MPDU1: variants seen among roughly 807,000 people sequenced by gnomAD.
MPDU1 encodes mannose-P-dolichol utilization defect 1 protein.
A neutral mutation model predicts 27.6 loss-of-function variants in MPDU1; 18 were observed. The ratio of observed to expected loss-of-function variants is 0.65; its 90% CI spans 0.45 to 0.97. The LOEUF is 0.97. MPDU1 is among the 50% of genes least tolerant of loss of function. The probability of loss-of-function intolerance (pLI) is 0.00; values close to 1 mark genes in which losing one functional copy is unlikely to be tolerated. For missense variants in MPDU1, 279 were observed against 297.4 expected, an observed-to-expected ratio of 0.94 and a Z score of 0.46; for synonymous variants, 142 against 131.1, an observed-to-expected ratio of 1.08 and a Z score of -0.57.
Position 7,587,816 on chromosome 17 carries a change from T to C in MPDU1, c.*265T>C, listed in dbSNP as rs1238642576. 2 of 578,708 alleles carry C rather than the reference T, an allele frequency of 3.5e-6. No individual in the cohort carries two copies. Among genetic ancestry groups the C allele is most frequent in the Non-Finnish European group, 6.5e-6 (2 of 307,516 alleles). 35.8% of individuals were successfully genotyped at this position (578,708 alleles called of 1,614,324 possible). ...CCCTGTACATGTACTATTAATTCAGTCATTCAGCCAAGCCTCCTCCTCTAG... is the reference window on the plus strand; with the variant it reads ...CCCTGTACATGTACTATTAATTCAGCCATTCAGCCAAGCCTCCTCCTCTAG... On this transcript the variant is annotated 3_prime_UTR_variant, in exon 7 of 7. Transcript: ENST00000250124.
chr17:7,587,067 G>GGGGT, intron 5 of MPDU1, 50 bp downstream of exon 5: 3 of 1,041,358 alleles, frequency 2.9e-6, no homozygotes, highest in Non-Finnish European at 4.3e-6. Flanking sequence ...GGGTGGGGGG[G>GGGGT]AAGAGTAGAA....
chr17:7,584,115 G>T (rs2071541692), intron 1 of MPDU1, 150 bp downstream of exon 1: 2 of 790,386 alleles, frequency 2.5e-6, no homozygotes, highest in Admixed American at 1.9e-5. Flanking sequence ...AGTGTCTCGG[G>T]CTCCTTAGAG....
Position 7,588,082 on chromosome 17 carries a change from CCTGCT to C in MPDU1, c.*535_*539del, listed in dbSNP as rs1333850527. On this transcript the variant is annotated 3_prime_UTR_variant, in exon 7 of 7. Coordinates refer to ENST00000250124, the MANE Select transcript of MPDU1 (RefSeq NM_004870.4). ...GGCCCCAGGGTGGGGTGAGGAGGTT[CCTGCT>C]CTGGCAGGTCTAGGCGGAAGGGAGT... 1.8e-6 allele frequency: 1 copy of C among 570,578 alleles called. No homozygotes were observed. Among genetic ancestry groups the C allele is most frequent in the Non-Finnish European group, 3.3e-6 (1 of 302,370 alleles). The allele number at this position is 570,578 out of a possible 1,614,324, so 35.3% of individuals were successfully genotyped here.
chr17:7,584,145 C>A, intron 1 of MPDU1, 180 bp downstream of exon 1: 1 of 675,252 alleles, frequency 1.5e-6, no homozygotes, highest in Non-Finnish European at 2.7e-6. Context: ...CATATTAGTG[C>A]CAGTGGGGAA....
chr17:7,584,483 C>T (rs981189287), intron 1 of MPDU1, among the ~76,000 whole-genome samples: 1 of 152,170 alleles, frequency 6.6e-6, no homozygotes, highest in Non-Finnish European at 1.5e-5. Flanking sequence ...GTCAGTCTGC[C>T]CCTGTCAGTT....
chr17:7,586,915 T>A lies in MPDU1; in HGVS notation c.405T>A (p.Ala135=), dbSNP rs768474421. 4 of 1,614,104 alleles carry A rather than the reference T, an allele frequency of 2.5e-6. No homozygotes were observed. Among genetic ancestry groups the A allele is most frequent in the Non-Finnish European group, 3.4e-6 (4 of 1,180,030 alleles). Residue 135 remains alanine, a synonymous_variant, in exon 5 of 7, where the codon GCT becomes GCA. Transcript: ENST00000250124. ...GQTVKGVAFL[A]CYGLVLLVLL... ...CACCCCTAGGTGTCGCTTTCCTCGCTTGCTACGGCCTGGTCCTGCTGGTGC... is the reference window on the plus strand; with the variant it reads ...CACCCCTAGGTGTCGCTTTCCTCGCATGCTACGGCCTGGTCCTGCTGGTGC...
intron 1 of MPDU1, 38 bp from the exon 2 acceptor site, chr17:7,585,694 G>C: frequency 6.2e-7 from 1 of 1,607,478 alleles, no homozygotes; most frequent in South Asian, 1.1e-5. Context: ...CTGGGTTTCA[G>C]ACATCTCCTG....
intron 1 of MPDU1, 84 bp downstream of exon 1, chr17:7,584,049 C>G: frequency 7.5e-7 from 1 of 1,338,744 alleles, no homozygotes; most frequent in Non-Finnish European, 1.1e-6. Context: ...GACTAAGTGA[C>G]GGCAGTGACT....
At chr17:7,587,392 G>A in intron 6 of MPDU1, 34 bp from the exon 7 acceptor site, 5 of 1,613,968 alleles carry the variant, frequency 3.1e-6, no homozygotes, top group Non-Finnish European at 4.2e-6. Flanking sequence ...GAGCTATGCT[G>A]AAGGGTAACC....
Position 7,585,771 on chromosome 17 carries a change from TG to T in MPDU1, c.146del (p.Gly49AlafsTer8), listed in dbSNP as rs749243679. ...LKILLSKGLGLGIVAGSLLVK... is the reference protein window; with the variant it reads ...LKILLSKGLGXGIVAGSLLVK... ...ATTCTCCTCAGCAAAGGCCTGGGGC[TG>T]GGCATTGTGGCTGGCTCACTTCTAG... On this transcript the variant is annotated frameshift_variant, in exon 2 of 7. Coordinates refer to ENST00000250124, the MANE Select transcript of MPDU1 (RefSeq NM_004870.4). LOFTEE classifies it high-confidence loss of function. The T allele has an allele frequency of 4.3e-6, 7 of 1,614,190 alleles. No homozygotes were observed. The highest frequency in any genetic ancestry group is 5.1e-6 in the Non-Finnish European group (6 of 1,180,028).
upstream of MPDU1, chr17:7,583,766 C>T (rs539592174): frequency 3.8e-6 from 5 of 1,325,200 alleles, no homozygotes. Flanking sequence ...GCCAGCTTCG[C>T]CGCGGGAAAA....
At chr17:7,585,271 C>T (rs1002373428) in intron 1 of MPDU1, among the ~76,000 whole-genome samples, 1 of 151,816 alleles carries the variant, frequency 6.6e-6, no homozygotes, top group African/African-American at 2.4e-5. Context: ...TGCGGTAGCT[C>T]GAGCTTATAA....
chr17:7,587,067 G>GGGGGGGGGGGGC, intron 5 of MPDU1, 50 bp downstream of exon 5: 1 of 1,041,340 alleles, frequency 9.6e-7, no homozygotes. Context: ...GGGTGGGGGG[G>GGGGGGGGGGGGC]AAGAGTAGAA....
chr17:7,583,770 G>C, upstream of MPDU1: 1 of 1,360,934 alleles, frequency 7.3e-7, no homozygotes, highest in East Asian at 2.3e-5. Flanking sequence ...GCTTCGCCGC[G>C]GGAAAAGAAC....
At chr17:7,584,235 A>G in intron 1 of MPDU1, 1 of 596,988 alleles carries the variant, frequency 1.7e-6, no homozygotes, top group South Asian at 2.0e-5. Flanking sequence ...TTATAAAACA[A>G]AATAAAAATT....
In MPDU1 at chr17:7,586,361, C is replaced by T. The variant is rs1252886933; in HGVS notation, c.302+283C>T. On this transcript the variant is annotated intron_variant, in intron 3 of 6. Coordinates refer to ENST00000250124, the MANE Select transcript of MPDU1 (RefSeq NM_004870.4). ...GGCTGAGGCAGGAGAATCACTTGAA[C>T]CTGGGAGGCAGAGGTTGCAGTGAGC... 4 of 511,428 alleles carry T rather than the reference C, an allele frequency of 7.8e-6. No homozygotes were observed. In the East Asian group the frequency reaches 1.5e-4, roughly 19 times the overall value. The allele number at this position is 511,428 out of a possible 1,614,324, so 31.7% of individuals were successfully genotyped here. A position where few individuals can be genotyped will look rare whatever the true frequency, so the allele number is the denominator to read the frequency against.
chr17:7,586,604 CAT>C, intron 3 of MPDU1, 86 bp from the exon 4 acceptor site: 1 of 1,143,078 alleles, frequency 8.7e-7, no homozygotes, highest in Non-Finnish European at 1.3e-6. Context: ...GTGATCAGAG[CAT>C]AGTGTCCCTG....
upstream of MPDU1, chr17:7,583,794 T>C (rs749125739): frequency 3.9e-6 from 6 of 1,528,474 alleles, no homozygotes; most frequent in South Asian, 1.1e-5. Context: ...AGGCGGAGTG[T>C]CCGCAGCGCG....
intron 3 of MPDU1, 125 bp downstream of exon 3, chr17:7,586,203 T>C: frequency 6.5e-6 from 8 of 1,228,638 alleles, no homozygotes; most frequent in Middle Eastern, 2.7e-4. Context: ...CCCAGCACTT[T>C]GGGAGGCCGA....
Sources: allele counts gnomAD v4.1 joint callset (sites outside exome capture counted in the v4.1 genomes callset), GRCh38; gene constraint gnomAD v4.1.1; transcripts MANE v1.5; gene names NCBI Gene and HGNC (gene_info 2026-07-23, HGNC 2026-07-21).